Variants in C2orf49 observed in about 807,000 individuals in gnomAD.
C2orf49 encodes tRNA-splicing ligase complex subunit ASW.
In C2orf49, 11 loss-of-function variants were observed where a neutral mutation model predicts 20.6. The observed-to-expected ratio is 0.53, with a 90% CI of 0.34 to 0.88. The LOEUF is 0.88. Among genes scored for constraint, C2orf49 ranks in the 40% least tolerant of loss-of-function variants. The probability of loss-of-function intolerance (pLI) is 0.02; values close to 1 mark genes in which losing one functional copy is unlikely to be tolerated. For synonymous variants in C2orf49, 134 were observed against 108.5 expected (o/e 1.24, Z -1.46); for missense variants, 289 against 274.2 (o/e 1.05, Z -0.38).
At chr2:105,384,968 GAA>G in the C2orf49 span, among the ~76,000 whole-genome samples, 5 of 152,344 alleles carry the variant, frequency 3.3e-5, no homozygotes, top group African/African-American at 1.2e-4. Context: ...AAGGGACAGA[GAA>G]AAGTCGTCAG....
chr2:105,366,726 G>A, the C2orf49 span, among the ~76,000 whole-genome samples: 24 of 152,030 alleles, frequency 1.6e-4, no homozygotes, highest in Non-Finnish European at 2.9e-4. Context: ...GCACATTATC[G>A]AGTAGATAAG....
chr2:105,344,160 A>G (rs1679748929), intron 3 of C2orf49, among the ~76,000 whole-genome samples: 1 of 152,156 alleles, frequency 6.6e-6, no homozygotes, highest in African/African-American at 2.4e-5. Flanking sequence ...GTAAATTTAA[A>G]TAAGTTTGTC....
chr2:105,385,474 G>C, the C2orf49 span, among the ~76,000 whole-genome samples: 1 of 152,208 alleles, frequency 6.6e-6, no homozygotes, highest in Admixed American at 6.5e-5. Context: ...AAAGCAACGA[G>C]AGCAGAAAAG....
chr2:105,373,408 A>G, the C2orf49 span: 2 of 757,442 alleles, frequency 2.6e-6, no homozygotes, highest in Admixed American at 4.2e-5. Context: ...CTGCTTCGTA[A>G]GTACTCTAAA....
intron 1 of C2orf49, among the ~76,000 whole-genome samples, chr2:105,338,863 C>G (rs1200465373): frequency 1.3e-5 from 2 of 152,118 alleles, no homozygotes; most frequent in Non-Finnish European, 2.9e-5. Flanking sequence ...TTCTTAAATC[C>G]AAACTCTGTC....
rs540079060 is a variant in C2orf49, at chr2:105,348,753, G to A, written c.*3382G>A. On this transcript the variant is annotated 3_prime_UTR_variant, in exon 4 of 4. Coordinates refer to ENST00000258457, the MANE Select transcript of C2orf49 (RefSeq NM_024093.3). ...AGTCTTATCCTTATTTAAATAAACA[G>A]AATAAAATTACCTTGAGTAGGTCTG... is the stretch of plus-strand genomic sequence containing the variant. The A allele has an allele frequency of 5.3e-5, 8 of 152,146 alleles. No individual in the cohort carries two copies. The highest frequency in any genetic ancestry group is 8.8e-5 in the Non-Finnish European group (6 of 67,980). 9.4% of individuals were successfully genotyped at this position (152,146 alleles called of 1,614,324 possible). A position where few individuals can be genotyped will look rare whatever the true frequency, so the allele number is the denominator to read the frequency against.
In C2orf49 at chr2:105,347,199, G is replaced by A. The variant is rs965128922; in HGVS notation, c.*1828G>A. On this transcript the variant is annotated 3_prime_UTR_variant, in exon 4 of 4. Transcript: ENST00000258457. ...ACTAAGTATTGCATAAATTGTTAAC[G>A]TTACAGTAAATTGTTATCTGCAGGG... is the stretch of plus-strand genomic sequence containing the variant. The A allele has an allele frequency of 2.0e-5, 3 of 152,106 alleles. No homozygotes were observed. The highest frequency in any genetic ancestry group is 1.3e-4 in the Admixed American group (2 of 15,282). The allele number at this position is 152,106 out of a possible 1,614,324, so 9.4% of individuals were successfully genotyped here.
chr2:105,344,124 T>G (rs756730519), intron 3 of C2orf49, among the ~76,000 whole-genome samples: 3 of 152,152 alleles, frequency 2.0e-5, no homozygotes, highest in Non-Finnish European at 4.4e-5. Flanking sequence ...TTATTCCTAT[T>G]TCACAGATAA....
the C2orf49 span, among the ~76,000 whole-genome samples, chr2:105,384,314 CAAAG>C: frequency 2.6e-5 from 4 of 152,152 alleles, no homozygotes; most frequent in South Asian, 2.1e-4. Flanking sequence ...TGAAAAGCGA[CAAAG>C]AGAGAGGGTG....
At chr2:105,385,198 C>T in the C2orf49 span, among the ~76,000 whole-genome samples, 1 of 152,240 alleles carries the variant, frequency 6.6e-6, no homozygotes, top group Non-Finnish European at 1.5e-5. Context: ...CCTCTTTCGT[C>T]TCTGCTCAAG....
chr2:105,370,212 C>CCG, the C2orf49 span, among the ~76,000 whole-genome samples: 1 of 151,838 alleles, frequency 6.6e-6, no homozygotes, highest in South Asian at 2.1e-4. Flanking sequence ...GTCTCTACCC[C>CCG]CCCAAAAAAA....
chr2:105,377,918 C>T, the C2orf49 span: 3 of 398,456 alleles, frequency 7.5e-6, no homozygotes, highest in African/African-American at 6.3e-5. Flanking sequence ...GCATTACGCC[C>T]AGAGGGGTGG....
the C2orf49 span, among the ~76,000 whole-genome samples, chr2:105,385,018 G>A: frequency 6.6e-6 from 1 of 152,236 alleles, no homozygotes; most frequent in African/African-American, 2.4e-5. Context: ...CAGGATACAG[G>A]AAGATACACA....
chr2:105,366,522 T>C, the C2orf49 span, among the ~76,000 whole-genome samples: 1 of 152,034 alleles, frequency 6.6e-6, no homozygotes, highest in African/African-American at 2.4e-5. Context: ...CTGATGCAAA[T>C]CCTAACAGGA....
chr2:105,381,700 GGAA>G, the C2orf49 span, among the ~76,000 whole-genome samples: 1 of 152,262 alleles, frequency 6.6e-6, no homozygotes, highest in Middle Eastern at 3.4e-3. Flanking sequence ...TCTTTTAGGA[GGAA>G]ATCCAAATAA....
chr2:105,366,454 G>T, the C2orf49 span, among the ~76,000 whole-genome samples: 1 of 152,204 alleles, frequency 6.6e-6, no homozygotes, highest in Admixed American at 6.5e-5. Flanking sequence ...CCTGTGATGA[G>T]TTCCACAGCT....
chr2:105,363,758 T>C, the C2orf49 span, among the ~76,000 whole-genome samples: 237 of 152,264 alleles, frequency 1.6e-3, no homozygotes, highest in African/African-American at 5.5e-3. Context: ...CTCAGTGGTG[T>C]TGCCACCTTT....
At chr2:105,370,810 C>T in the C2orf49 span, among the ~76,000 whole-genome samples, 3 of 152,276 alleles carry the variant, frequency 2.0e-5, no homozygotes, top group South Asian at 6.2e-4. Flanking sequence ...TCCGTTTCTT[C>T]TGGCAGAGGC....
chr2:105,369,616 A>C, the C2orf49 span, among the ~76,000 whole-genome samples: 1 of 152,212 alleles, frequency 6.6e-6, no homozygotes, highest in Non-Finnish European at 1.5e-5. Context: ...CCTAAAACAA[A>C]CATTACATGA....
Sources: allele counts gnomAD v4.1 joint callset (sites outside exome capture counted in the v4.1 genomes callset), GRCh38; gene constraint gnomAD v4.1.1; transcripts MANE v1.5; gene names NCBI Gene and HGNC (gene_info 2026-07-23, HGNC 2026-07-21).